Variants in DNER observed in about 807,000 individuals in gnomAD.
DNER encodes the protein delta/notch like EGF repeat containing.
In DNER, 33 loss-of-function variants were observed where a neutral mutation model predicts 78.2. The observed-to-expected ratio is 0.42, with a 90% CI of 0.32 to 0.56. The LOEUF (loss-of-function observed/expected upper bound fraction) is 0.56. Ranked by LOEUF, DNER falls within the 20% of genes least tolerant of loss-of-function variation. The pLI, the probability that DNER is intolerant of heterozygous loss-of-function variation, is 0.11. For missense variants in DNER, 918 were observed against 975.3 expected (o/e 0.94, Z 0.78); for synonymous variants, 417 against 384.8 (o/e 1.08, Z -0.98).
intron 1 of DNER, among the ~76,000 whole-genome samples, chr2:229,641,137 G>C (rs1190948515): frequency 3.3e-5 from 5 of 152,190 alleles, no homozygotes; most frequent in Admixed American, 2.0e-4. Flanking sequence ...TAATGGTATG[G>C]ACAGGACACT....
intron 1 of DNER, among the ~76,000 whole-genome samples, chr2:229,607,757 T>C (rs1027078662): frequency 6.6e-6 from 1 of 152,048 alleles, no homozygotes; most frequent in African/African-American, 2.4e-5. Flanking sequence ...GCGCGATAGC[T>C]CACACCTGTA....
chr2:229,654,009 C>T (rs1309905357), intron 1 of DNER, among the ~76,000 whole-genome samples: 3 of 152,138 alleles, frequency 2.0e-5, no homozygotes, highest in Admixed American at 6.5e-5. Context: ...GGTACATATG[C>T]ACAACGTGCA....
intron 6 of DNER, among the ~76,000 whole-genome samples, chr2:229,483,516 T>G (rs1695209530): frequency 6.6e-6 from 1 of 152,218 alleles, no homozygotes; most frequent in Admixed American, 6.5e-5. Flanking sequence ...AATTGGTTTT[T>G]GATTGATGAA....
At chr2:229,478,831 G>A (rs1015457676) in intron 6 of DNER, among the ~76,000 whole-genome samples, 13 of 151,952 alleles carry the variant, frequency 8.6e-5, no homozygotes, top group Middle Eastern at 3.4e-3. Context: ...TTAAGTTCCG[G>A]GGTACCTGTG....
intron 9 of DNER, among the ~76,000 whole-genome samples, chr2:229,415,922 A>C (rs940606054): frequency 2.0e-5 from 3 of 152,216 alleles, no homozygotes; most frequent in Admixed American, 1.3e-4. Flanking sequence ...TCTTGTAAAA[A>C]ATTCTCTTTA....
chr2:229,509,080 A>C (rs529394279), intron 6 of DNER, among the ~76,000 whole-genome samples: 24 of 152,332 alleles, frequency 1.6e-4, no homozygotes, highest in African/African-American at 5.8e-4. Context: ...ACTGGTGCTT[A>C]GCAAATATGT....
chr2:229,571,140 A>G (rs1697212054), intron 4 of DNER, among the ~76,000 whole-genome samples: 1 of 151,868 alleles, frequency 6.6e-6, no homozygotes, highest in African/African-American at 2.4e-5. Context: ...GAAGGTGGAG[A>G]AATGAGGTCA....
intron 4 of DNER, among the ~76,000 whole-genome samples, chr2:229,563,993 CAT>C (rs1661980742): frequency 6.7e-6 from 1 of 149,016 alleles, no homozygotes; most frequent in African/African-American, 2.5e-5. Context: ...TCATCATCAT[CAT>C]CCTCACCCCA....
chr2:229,655,433 G>A (rs764570183), intron 1 of DNER, among the ~76,000 whole-genome samples: 6 of 152,106 alleles, frequency 3.9e-5, no homozygotes, highest in Admixed American at 6.5e-5. Flanking sequence ...AATACCATCA[G>A]ACTCAGGAAA....
At chr2:229,562,189 C>G (rs1696973321) in intron 4 of DNER, among the ~76,000 whole-genome samples, 1 of 152,120 alleles carries the variant, frequency 6.6e-6, no homozygotes, top group Non-Finnish European at 1.5e-5. Context: ...ATAAATCACA[C>G]AAAACCCCTC....
intron 4 of DNER, among the ~76,000 whole-genome samples, chr2:229,583,968 C>A (rs1413837269): frequency 1.3e-5 from 2 of 152,178 alleles, no homozygotes; most frequent in Admixed American, 6.5e-5. Context: ...CCCAGCTGGA[C>A]TTCCAAAGAT....
chr2:229,542,620 T>C (rs76492673), intron 5 of DNER, among the ~76,000 whole-genome samples: 3 of 152,078 alleles, frequency 2.0e-5, no homozygotes, highest in Non-Finnish European at 2.9e-5. Context: ...GATTCTTACA[T>C]TGGGTGGAAG....
At chr2:229,620,471 C>T (rs1279660188) in intron 1 of DNER, among the ~76,000 whole-genome samples, 1 of 152,244 alleles carries the variant, frequency 6.6e-6, no homozygotes, top group East Asian at 1.9e-4. Flanking sequence ...GCCATCATCA[C>T]TCCTTCAAGA....
intron 1 of DNER, among the ~76,000 whole-genome samples, chr2:229,625,260 G>A (rs1698317767): frequency 6.6e-6 from 1 of 152,082 alleles, no homozygotes; most frequent in African/African-American, 2.4e-5. Flanking sequence ...AAAATCACCG[G>A]GGGCTGGGAG....
chr2:229,506,624 C>T (rs1183979950), intron 6 of DNER, among the ~76,000 whole-genome samples: 5 of 150,846 alleles, frequency 3.3e-5, no homozygotes, highest in African/African-American at 9.7e-5. Flanking sequence ...TACCCAGTAA[C>T]TCATCATTTA....
In DNER at chr2:229,401,166, G is replaced by A. The variant is rs370199617; in HGVS notation, c.1723+6066C>T. ...ATCAGAATGGCCCAAATAAAAAATA[G>A]TGATAACACCAAATGCTGGCAAGGA... On this transcript the variant is annotated intron_variant, in intron 10 of 12. Transcript: ENST00000341772. Among the ~76,000 whole-genome samples the A allele has an allele frequency of 2.0e-4, 31 of 152,144 alleles. 1 individual carries two copies. The highest frequency in any genetic ancestry group is 6.5e-4 in the African/African-American group (27 of 41,558).
intron 1 of DNER, among the ~76,000 whole-genome samples, chr2:229,596,350 AG>A (rs1390715180): frequency 2.0e-5 from 3 of 152,250 alleles, no homozygotes; most frequent in African/African-American, 7.2e-5. Context: ...GGTGTTTTAA[AG>A]TGATTAAATA....
At chr2:229,583,938 C>T (rs953218608) in intron 4 of DNER, among the ~76,000 whole-genome samples, 1 of 152,128 alleles carries the variant, frequency 6.6e-6, no homozygotes, top group Non-Finnish European at 1.5e-5. Context: ...CTTCTTTTCA[C>T]CCAGTAAAAT....
In DNER at chr2:229,586,032, C is replaced by G; in HGVS notation, c.681-8G>C. On this transcript the variant is annotated splice_polypyrimidine_tract_variant and splice_region_variant and intron_variant, in intron 3 of 12. Coordinates refer to ENST00000341772, the MANE Select transcript of DNER (RefSeq NM_139072.4). ...GTGGCATCTTGCCGAATCCTGGAAA[C>G]AGGAATGATGTAAACAGAAAGCTCC... 1 of 1,606,994 alleles carries G rather than the reference C, an allele frequency of 6.2e-7. No homozygotes were observed. The highest frequency in any genetic ancestry group is 8.5e-7 in the Non-Finnish European group (1 of 1,177,050).
Sources: allele counts gnomAD v4.1 joint callset (sites outside exome capture counted in the v4.1 genomes callset), GRCh38; gene constraint gnomAD v4.1.1; transcripts MANE v1.5; gene names NCBI Gene and HGNC (gene_info 2026-07-23, HGNC 2026-07-21).